The following SPAG16 variants were observed in gnomAD, a reference collection of about 807,000 sequenced individuals.
SPAG16 encodes sperm-associated antigen 16 protein.
In SPAG16, 86 loss-of-function variants were observed where a neutral mutation model predicts 80.4. The observed-to-expected ratio is 1.07, with a 90% CI of 0.90 to 1.28. The LOEUF (loss-of-function observed/expected upper bound fraction) is 1.28, where lower values mean the gene tolerates loss of function less well. SPAG16 is among the 50% of genes most tolerant of loss of function. The pLI, the probability that SPAG16 is intolerant of heterozygous loss-of-function variation, is 0.00. For synonymous variants in SPAG16, 294 were observed against 265.9 expected, an observed-to-expected ratio of 1.11 and a Z score of -1.03; for missense variants, 870 against 765.3, an observed-to-expected ratio of 1.14 and a Z score of -1.61.
intron 7 of SPAG16, among the ~76,000 whole-genome samples, chr2:213,360,011 G>A (rs2065889949): frequency 6.6e-6 from 1 of 152,106 alleles, no homozygotes; most frequent in South Asian, 2.1e-4. Context: ...AAATGGAGAA[G>A]TTAGGATTTA....
intron 13 of SPAG16, among the ~76,000 whole-genome samples, chr2:214,034,036 TTG>T (rs1239548938): frequency 6.6e-6 from 1 of 151,882 alleles, no homozygotes; most frequent in African/African-American, 2.4e-5. Flanking sequence ...TTCTCTTTCA[TTG>T]TGTTTCATGA....
At chr2:214,288,301 A>C (rs936228549) in intron 15 of SPAG16, among the ~76,000 whole-genome samples, 6 of 152,286 alleles carry the variant, frequency 3.9e-5, no homozygotes, top group African/African-American at 1.4e-4. Context: ...AATATACTGT[A>C]TTTTTAAAAA....
At chr2:213,963,093 CTT>C (rs61193296) in intron 12 of SPAG16, among the ~76,000 whole-genome samples, 22,158 of 140,384 alleles carry the variant, frequency 0.16, 1,910 homozygotes, top group Non-Finnish European at 0.21. Context: ...TTAGTTTGCT[CTT>C]TTTTTTTTTT....
chr2:214,243,544 A>T (rs1455803611), intron 15 of SPAG16, among the ~76,000 whole-genome samples: 1 of 152,092 alleles, frequency 6.6e-6, no homozygotes, highest in Admixed American at 6.6e-5. Flanking sequence ...TGATATATAA[A>T]TATTCACATA....
intron 12 of SPAG16, among the ~76,000 whole-genome samples, chr2:213,943,650 G>A (rs567606857): frequency 1.2e-4 from 18 of 152,148 alleles, no homozygotes; most frequent in Non-Finnish European, 2.4e-4. Context: ...GGATCAGCTT[G>A]GTTCCTCCTG....
chr2:214,299,595 G>A (rs896942247), intron 15 of SPAG16, among the ~76,000 whole-genome samples: 1 of 151,812 alleles, frequency 6.6e-6, no homozygotes, highest in African/African-American at 2.4e-5. Context: ...TTTTATTAAA[G>A]AAAAAATAAT....
chr2:213,927,188 G>A (rs1418289755), intron 11 of SPAG16, among the ~76,000 whole-genome samples: 1 of 152,178 alleles, frequency 6.6e-6, no homozygotes, highest in African/African-American at 2.4e-5. Flanking sequence ...TCATGACCTT[G>A]TCTAAACCTA....
At chr2:214,381,250 C>CA (rs1245118346) in intron 15 of SPAG16, among the ~76,000 whole-genome samples, 1 of 152,208 alleles carries the variant, frequency 6.6e-6, no homozygotes. Flanking sequence ...GAAGAAAACA[C>CA]ATGCTAAAGC....
intron 10 of SPAG16, among the ~76,000 whole-genome samples, chr2:213,676,117 G>T (rs1484879851): frequency 6.6e-6 from 1 of 151,672 alleles, no homozygotes; most frequent in African/African-American, 2.4e-5. Flanking sequence ...TTGTAAGTTG[G>T]ATTCCTAGGT....
intron 10 of SPAG16, among the ~76,000 whole-genome samples, chr2:213,508,399 C>T (rs1411177872): frequency 1.3e-5 from 2 of 152,000 alleles, no homozygotes; most frequent in African/African-American, 4.8e-5. Flanking sequence ...GGTGAAACCC[C>T]GTCTCTACTA....
chr2:214,284,468 A>G (rs909758373), intron 15 of SPAG16, among the ~76,000 whole-genome samples: 1 of 152,230 alleles, frequency 6.6e-6, no homozygotes, highest in African/African-American at 2.4e-5. Flanking sequence ...ATTATAATAT[A>G]CACCCTACTG....
intron 11 of SPAG16, among the ~76,000 whole-genome samples, chr2:213,923,065 A>C (rs983878073): frequency 1.3e-5 from 2 of 151,804 alleles, no homozygotes; most frequent in African/African-American, 4.8e-5. Flanking sequence ...GGAGTTGCCT[A>C]CCCTGACCTC....
intron 11 of SPAG16, among the ~76,000 whole-genome samples, chr2:213,892,822 C>A (rs975520483): frequency 3.3e-5 from 5 of 152,008 alleles, no homozygotes; most frequent in South Asian, 2.1e-4. Context: ...CCTCAGAAGA[C>A]TAAATTTAAG....
At chr2:213,297,197 A>T in intron 2 of SPAG16, 65 bp from the exon 3 acceptor site, 1 of 1,480,840 alleles carries the variant, frequency 6.8e-7, no homozygotes, top group Non-Finnish European at 9.3e-7. Flanking sequence ...ATTATTTCTG[A>T]AGTGAAATAA....
intron 14 of SPAG16, among the ~76,000 whole-genome samples, chr2:214,109,669 G>A (rs1346762421): frequency 1.3e-5 from 2 of 152,092 alleles, no homozygotes; most frequent in African/African-American, 4.8e-5. Context: ...TTTTAATGAT[G>A]GGCTCAACCA....
Position 214,106,349 on chromosome 2 carries a change from A to G in SPAG16, c.1528-1847A>G, listed in dbSNP as rs528140911. 1.5e-4 allele frequency among the ~76,000 whole-genome samples: 23 copies of G among 152,264 alleles called. No homozygotes were observed. In the East Asian group the frequency reaches 4.4e-3, roughly 29 times the overall value. On this transcript the variant is annotated intron_variant, in intron 13 of 15. Coordinates refer to ENST00000331683, the MANE Select transcript of SPAG16 (RefSeq NM_024532.5). ...AGAATTGGGATGATTTGAAGTTCTT[A>G]GCATAATTGGTTTAAAGTTATAACA...
chr2:213,318,302 A>G (rs1046187974), intron 5 of SPAG16, among the ~76,000 whole-genome samples: 2 of 152,206 alleles, frequency 1.3e-5, no homozygotes, highest in East Asian at 3.9e-4. Context: ...TTTATATACA[A>G]TGGAATACTA....
At chr2:213,313,473 C>T (rs937232197) in intron 4 of SPAG16, among the ~76,000 whole-genome samples, 3 of 151,574 alleles carry the variant, frequency 2.0e-5, no homozygotes, top group Non-Finnish European at 3.0e-5. Flanking sequence ...TTCTATTTTA[C>T]GGGTAAGGAA....
At chr2:213,938,791 A>T (rs16851153) in intron 12 of SPAG16, among the ~76,000 whole-genome samples, 8,692 of 152,180 alleles carry the variant, frequency 0.057, 276 homozygotes, top group South Asian at 0.11. Flanking sequence ...TGGCAGCATT[A>T]AACTAAATAT....
Sources: gnomAD v4.1 joint callset for allele counts (sites outside exome capture counted in the v4.1 genomes callset) on GRCh38, gnomAD v4.1.1 for gene constraint, MANE v1.5 for transcripts, NCBI Gene and HGNC (gene_info 2026-07-23, HGNC 2026-07-21) for gene names.